The following PCDHGA10 variants were observed in gnomAD, a reference collection of about 807,000 sequenced individuals.
PCDHGA10 encodes the protein protocadherin gamma subfamily A, 10.
Under a neutral mutation model 59.5 loss-of-function variants are expected in PCDHGA10, and 42 were observed. That is an observed-to-expected ratio of 0.71 (90% confidence interval 0.55 to 0.91). The LOEUF (loss-of-function observed/expected upper bound fraction) is 0.91, where lower values mean the gene tolerates loss of function less well. PCDHGA10 is among the 40% of genes least tolerant of loss of function. The pLI is 0.00. For missense variants in PCDHGA10, 1,111 were observed against 1,198.2 expected (o/e 0.93, Z 1.07); for synonymous variants, 511 against 517.2 (o/e 0.99, Z 0.16).
chr5:141,432,511 C>T lies in PCDHGA10; in HGVS notation c.2436+16900C>T. ...AGCTGGCTCCCCGCTCCGCAGAGCC[C>T]GGCTACCTGGTGACCAAGGTGGTGG... is the stretch of plus-strand genomic sequence containing the variant. On this transcript the variant is annotated intron_variant, in intron 1 of 3. Coordinates refer to ENST00000398610, the MANE Select transcript of PCDHGA10 (RefSeq NM_018913.3). This position sits in a 1 kb window ranked among gnomAD's most constrained non-coding sequence, Gnocchi z 6.0. 1 of 1,614,118 alleles carries T rather than the reference C, an allele frequency of 6.2e-7. No homozygotes were observed. The highest frequency in any genetic ancestry group is 8.5e-7 in the Non-Finnish European group (1 of 1,180,042).
chr5:141,430,910 G>A lies in PCDHGA10; in HGVS notation c.2436+15299G>A. The A allele has an allele frequency of 6.2e-7, 1 of 1,608,040 alleles. No homozygotes were observed. The highest frequency in any genetic ancestry group is 8.5e-7 in the Non-Finnish European group (1 of 1,177,584). On this transcript the variant is annotated intron_variant, in intron 1 of 3. Coordinates refer to ENST00000398610, the MANE Select transcript of PCDHGA10 (RefSeq NM_018913.3). ...CTCTAGGGTGGGCGACATCTCCAGG[G>A]ACCTGGGGCTGGAGCCCCGGGAGCT...
chr5:141,415,435 C>A lies in PCDHGA10; in HGVS notation c.2260C>A (p.Leu754Met). 1.2e-6 allele frequency: 2 copies of A among 1,614,202 alleles called. No homozygotes were observed. Among genetic ancestry groups the A allele is most frequent in the Non-Finnish European group, 8.5e-7 (1 of 1,180,032 alleles). ...GGGCGTGGACGGGGTTCGGGCTTTC[C>A]TGCAGACCTATTCCCACGAGGTCTC... is the stretch of plus-strand genomic sequence containing the variant. ...FVGVDGVRAF[L>M]QTYSHEVSLT... The change falls in exon 1 of 4, where the codon CTG becomes ATG. Residue 754 changes from leucine to methionine, a missense_variant. Coordinates refer to ENST00000398610, the MANE Select transcript of PCDHGA10 (RefSeq NM_018913.3).
intron 1 of PCDHGA10, among the ~76,000 whole-genome samples, chr5:141,483,907 C>T (rs545585133): frequency 6.0e-5 from 9 of 151,124 alleles, no homozygotes; most frequent in Non-Finnish European, 1.0e-4. Flanking sequence ...TGGTGTGTTT[C>T]CCACTCAGAT....
Position 141,431,698 on chromosome 5 carries a change from A to ATTC in PCDHGA10, c.2436+16089_2436+16091dup. 6.2e-7 allele frequency: 1 copy of ATTC among 1,614,222 alleles called. No homozygotes were observed. Among genetic ancestry groups the ATTC allele is most frequent in the Non-Finnish European group, 8.5e-7 (1 of 1,180,036 alleles). The stretch of plus-strand genomic sequence containing the variant: ...GGGAGTTGGACCACGAGGAGTCAGG[A>ATTC]TTCTACCAGATGGAAGTGCAAGCAA... On this transcript the variant is annotated intron_variant, in intron 1 of 3. Coordinates refer to ENST00000398610, the MANE Select transcript of PCDHGA10 (RefSeq NM_018913.3). This position sits in a 1 kb window ranked among gnomAD's most constrained non-coding sequence, Gnocchi z 4.8.
chr5:141,469,104 C>T (rs1046234848), intron 1 of PCDHGA10, among the ~76,000 whole-genome samples: 1 of 151,760 alleles, frequency 6.6e-6, no homozygotes, highest in Admixed American at 6.6e-5. Flanking sequence ...AAGCAAGAAC[C>T]TGTCTCTAAA....
At chr5:141,499,625 C>A (rs1238895570) in intron 2 of PCDHGA10, among the ~76,000 whole-genome samples, 1 of 149,832 alleles carries the variant, frequency 6.7e-6, no homozygotes, top group East Asian at 2.0e-4. Flanking sequence ...TCCTTGGATT[C>A]TTTTGAAGCA....
rs751145850 is a variant in PCDHGA10 at position 141,432,148 on chromosome 5, G to A, written c.2436+16537G>A. The A allele has an allele frequency of 6.1e-5, 99 of 1,613,884 alleles. No individual in the cohort carries two copies. The Admixed American group carries it at 1.5e-3, about 24-fold the overall frequency. On this transcript the variant is annotated intron_variant, in intron 1 of 3. Transcript: ENST00000398610. The surrounding 1 kb of genome is among the most constrained non-coding windows in gnomAD (Gnocchi z 6.0). ...CCTCCTATTCCGCTTATATCCCAGA[G>A]AACAATCCCAGAGGAGTTTCCCTCG...
chr5:141,455,737 A>T (rs1290390106), intron 1 of PCDHGA10, among the ~76,000 whole-genome samples: 1 of 152,162 alleles, frequency 6.6e-6, no homozygotes, highest in Non-Finnish European at 1.5e-5. Context: ...TTTGCATATC[A>T]AAGGTTGCTG....
chr5:141,430,380 T>TG (rs1376875091), intron 1 of PCDHGA10, among the ~76,000 whole-genome samples: 2 of 147,890 alleles, frequency 1.4e-5, no homozygotes, highest in African/African-American at 5.0e-5. Context: ...AAAAGCTCAT[T>TG]GGGAAAAAAA....
In PCDHGA10 at chr5:141,485,870, C is replaced by A. The variant is rs745737454; in HGVS notation, c.2437-8937C>A. On this transcript the variant is annotated intron_variant, in intron 1 of 3. Coordinates refer to ENST00000398610, the MANE Select transcript of PCDHGA10 (RefSeq NM_018913.3). The surrounding 1 kb of genome is among the most constrained non-coding windows in gnomAD (Gnocchi z 5.7). ...CACCGCAGAGCTCCGGGTATCCGTGCTGGACGTAAACGACAACGCCCCAGC... is the reference window on the plus strand; with the variant it reads ...CACCGCAGAGCTCCGGGTATCCGTGATGGACGTAAACGACAACGCCCCAGC... 1 of 1,614,174 alleles carries A rather than the reference C, an allele frequency of 6.2e-7. No homozygotes were observed. Among genetic ancestry groups the A allele is most frequent in the Non-Finnish European group, 8.5e-7 (1 of 1,180,032 alleles).
At chr5:141,504,452 T>C (rs1208972630) in intron 2 of PCDHGA10, among the ~76,000 whole-genome samples, 1 of 152,060 alleles carries the variant, frequency 6.6e-6, no homozygotes, top group Non-Finnish European at 1.5e-5. Flanking sequence ...TAGTGCCATG[T>C]GGGGCAGCCG....
chr5:141,415,401 G>T lies in PCDHGA10; in HGVS notation c.2226G>T (p.Ser742=). The change falls in exon 1 of 4, where the codon TCG becomes TCT. Residue 742 remains serine (S), a synonymous_variant. Transcript: ENST00000398610. ...SGGGLTGVSG[S]HFVGVDGVRA... is the part of the protein sequence containing the mutation. ...GCGGCTTGACAGGTGTGTCCGGCTC[G>T]CACTTTGTGGGCGTGGACGGGGTTC... 2 of 1,614,206 alleles carry T rather than the reference G, an allele frequency of 1.2e-6. No homozygotes were observed. Among genetic ancestry groups the T allele is most frequent in the Non-Finnish European group, 1.7e-6 (2 of 1,180,038 alleles).
At chr5:141,424,682 C>A (rs1421088073) in intron 1 of PCDHGA10, 1 of 152,062 alleles carries the variant, frequency 6.6e-6, no homozygotes, top group Non-Finnish European at 1.5e-5. Flanking sequence ...AGCTAGTATC[C>A]TTCTGGCTAT....
At chr5:141,434,533 C>T (rs6862159) in intron 1 of PCDHGA10, among the ~76,000 whole-genome samples, 18,539 of 152,264 alleles carry the variant, frequency 0.12, 1,259 homozygotes, top group Non-Finnish European at 0.16. Flanking sequence ...AAACCACAAA[C>T]AATAGCATGA....
rs777487681 is a variant in PCDHGA10, at chr5:141,432,809, T to C, written c.2436+17198T>C. 2.5e-6 allele frequency: 4 copies of C among 1,613,280 alleles called. No individual in the cohort carries two copies. In the African/African-American group the frequency reaches 5.4e-5, roughly 22 times the overall value. The stretch of plus-strand genomic sequence containing the variant: ...CGGCAGCCTCGAGTCTCCAGCTAAC[T>C]CTGAAACCTCAGACCTCACTCTGTA... On this transcript the variant is annotated intron_variant, in intron 1 of 3. Coordinates refer to ENST00000398610, the MANE Select transcript of PCDHGA10 (RefSeq NM_018913.3). The surrounding 1 kb of genome is among the most constrained non-coding windows in gnomAD (Gnocchi z 6.0).
At position 141,511,411 on chromosome 5, in the gene PCDHGA10, A is replaced by G; in HGVS notation, c.*238A>G. On this transcript the variant is annotated 3_prime_UTR_variant, in exon 4 of 4. Coordinates refer to ENST00000398610, the MANE Select transcript of PCDHGA10 (RefSeq NM_018913.3). ...GAACCCCCATCCAATCAACTGCTGT[A>G]CCCATGGGGGTAGTGGGGTTACTGT... The G allele has an allele frequency of 1.1e-6, 1 of 901,334 alleles. No homozygotes were observed. Among genetic ancestry groups the G allele is most frequent in the Non-Finnish European group, 1.6e-6 (1 of 617,750 alleles). The allele number at this position is 901,334 out of a possible 1,614,324, so 55.8% of individuals were successfully genotyped here. A position where few individuals can be genotyped will look rare whatever the true frequency, so the allele number is the denominator to read the frequency against.
intron 1 of PCDHGA10, among the ~76,000 whole-genome samples, chr5:141,468,273 C>T (rs894110332): frequency 1.4e-5 from 2 of 144,550 alleles, no homozygotes; most frequent in Non-Finnish European, 3.0e-5. Flanking sequence ...TGTGGTGAGC[C>T]GAGACCACGC....
Position 141,487,106 on chromosome 5 carries a change from A to G in PCDHGA10, c.2437-7701A>G, listed in dbSNP as rs777727830. ...TGACCTCCCACCACAGAAGCTGGTC[A>G]TTGTGGTAAAGGATAGTGGTAGTCC... On this transcript the variant is annotated intron_variant, in intron 1 of 3. Transcript: ENST00000398610. The surrounding 1 kb of genome is among the most constrained non-coding windows in gnomAD (Gnocchi z 5.0). 1 of 1,613,902 alleles carries G rather than the reference A, an allele frequency of 6.2e-7. No individual in the cohort carries two copies. The highest frequency in any genetic ancestry group is 1.3e-5 in the African/African-American group (1 of 75,028).
At position 141,490,258 on chromosome 5, in the gene PCDHGA10, G is replaced by A. The variant is rs776865457; in HGVS notation, c.2437-4549G>A. Reference sequence around the variant, plus strand: ...GGGCCACTGTGTGATTCAAGTGGATGTGGGGGATGTCAATGACAATGCCCC... The same window carrying A: ...GGGCCACTGTGTGATTCAAGTGGATATGGGGGATGTCAATGACAATGCCCC... On this transcript the variant is annotated intron_variant, in intron 1 of 3. Transcript: ENST00000398610. The surrounding 1 kb of genome is among the most constrained non-coding windows in gnomAD (Gnocchi z 5.4). 6.2e-7 allele frequency: 1 copy of A among 1,614,136 alleles called. No homozygotes were observed.
Sources: gnomAD v4.1 joint callset for allele counts (sites outside exome capture counted in the v4.1 genomes callset) on GRCh38, gnomAD v4.1.1 for gene constraint, Gnocchi (gnomAD v3.1) non-coding constraint, MANE v1.5 for transcripts, NCBI Gene and HGNC (gene_info 2026-07-23, HGNC 2026-07-21) for gene names.